Variants in MGAT4A observed in about 807,000 individuals in gnomAD.
MGAT4A encodes N-acetylglucosaminyltransferase IVa.
Under a neutral mutation model 74.1 loss-of-function variants are expected in MGAT4A, and 33 were observed. The ratio of observed to expected loss-of-function variants is 0.45; its 90% CI spans 0.34 to 0.60. The LOEUF is 0.60. Among genes scored for constraint, MGAT4A ranks in the 20% least tolerant of loss-of-function variants. The probability of loss-of-function intolerance (pLI) is 0.02; values close to 1 mark genes in which losing one functional copy is unlikely to be tolerated. For synonymous variants in MGAT4A, 198 were observed against 210.4 expected, an observed-to-expected ratio of 0.94 and a Z score of 0.51; for missense variants, 479 against 628.3, an observed-to-expected ratio of 0.76 and a Z score of 2.54.
chr2:98,670,287 T>C (rs77776825), intron 4 of MGAT4A, among the ~76,000 whole-genome samples: 1 of 151,970 alleles, frequency 6.6e-6, no homozygotes, highest in Non-Finnish European at 1.5e-5. Context: ...AGTGCAAGAG[T>C]TCCACTGATT....
At chr2:98,669,922 T>A (rs576746773) in intron 4 of MGAT4A, among the ~76,000 whole-genome samples, 1 of 152,178 alleles carries the variant, frequency 6.6e-6, no homozygotes, top group African/African-American at 2.4e-5. Flanking sequence ...ACATTCAAGA[T>A]GGCAACTGCT....
chr2:98,697,907 T>C (rs895664175), intron 2 of MGAT4A, among the ~76,000 whole-genome samples: 1 of 152,170 alleles, frequency 6.6e-6, no homozygotes, highest in African/African-American at 2.4e-5. Flanking sequence ...AGACAAATGC[T>C]AAAGGTTGAT....
At chr2:98,626,521 TG>T (rs1701146158) in intron 14 of MGAT4A, among the ~76,000 whole-genome samples, 1 of 152,186 alleles carries the variant, frequency 6.6e-6, no homozygotes, top group African/African-American at 2.4e-5. Flanking sequence ...TGGTTCATTG[TG>T]GGCCAAATTT....
At chr2:98,722,687 G>C (rs773542821) in intron 2 of MGAT4A, among the ~76,000 whole-genome samples, 27 of 152,270 alleles carry the variant, frequency 1.8e-4, no homozygotes, top group Admixed American at 3.9e-4. Context: ...TGGATGAATT[G>C]TATAGTATGT....
chr2:98,619,392 CT>C lies in MGAT4A; in HGVS notation c.*6173del, dbSNP rs1701011599. On this transcript the variant is annotated 3_prime_UTR_variant, in exon 16 of 16. Transcript: ENST00000393487. The stretch of plus-strand genomic sequence containing the variant: ...CAATACATTTAAGAAAAAAAAAAAT[CT>C]GGTACAACCTGGCAAGGAGATTCCT... The C allele has an allele frequency of 6.6e-6, 1 of 152,006 alleles. No homozygotes were observed. Among genetic ancestry groups the C allele is most frequent in the African/African-American group, 2.4e-5 (1 of 41,378 alleles). The allele number at this position is 152,006 out of a possible 1,614,324, so 9.4% of individuals were successfully genotyped here. A position where few individuals can be genotyped will look rare whatever the true frequency, so the allele number is the denominator to read the frequency against.
At chr2:98,691,925 TA>T (rs1702200406) in intron 2 of MGAT4A, among the ~76,000 whole-genome samples, 1 of 152,108 alleles carries the variant, frequency 6.6e-6, no homozygotes, top group Non-Finnish European at 1.5e-5. Flanking sequence ...CAACAATGTT[TA>T]AAAAGTAAAA....
At chr2:98,696,047 A>G (rs148181586) in intron 2 of MGAT4A, among the ~76,000 whole-genome samples, 1 of 151,506 alleles carries the variant, frequency 6.6e-6, no homozygotes, top group East Asian at 1.9e-4. Flanking sequence ...ATGCCTGCCT[A>G]ATTTTTCTAT....
intron 5 of MGAT4A, among the ~76,000 whole-genome samples, chr2:98,660,742 G>A (rs1701736532): frequency 6.6e-6 from 1 of 152,106 alleles, no homozygotes; most frequent in Non-Finnish European, 1.5e-5. Flanking sequence ...GAATGAAAGT[G>A]GAACTTCAAC....
intron 5 of MGAT4A, among the ~76,000 whole-genome samples, chr2:98,661,429 T>A (rs1210354100): frequency 6.6e-6 from 1 of 152,122 alleles, no homozygotes; most frequent in Non-Finnish European, 1.5e-5. Context: ...AAGCAGTTCA[T>A]AAGCAAACAA....
chr2:98,715,317 CA>C (rs201860893), intron 2 of MGAT4A, among the ~76,000 whole-genome samples: 20,618 of 63,332 alleles, frequency 0.33, 1,245 homozygotes, highest in African/African-American at 0.47. Flanking sequence ...GACTTCATCT[CA>C]AAAAAAAAAA....
chr2:98,667,276 T>C (rs1461791498), intron 4 of MGAT4A, among the ~76,000 whole-genome samples: 2 of 152,082 alleles, frequency 1.3e-5, no homozygotes, highest in African/African-American at 4.8e-5. Context: ...ATACAGTAAA[T>C]TGGTACCAGG....
chr2:98,713,571 G>A (rs530423363), intron 2 of MGAT4A, among the ~76,000 whole-genome samples: 42 of 152,202 alleles, frequency 2.8e-4, no homozygotes, highest in Non-Finnish European at 4.1e-4. Flanking sequence ...AGACCAGCCT[G>A]GCCAACATGG....
intron 2 of MGAT4A, among the ~76,000 whole-genome samples, chr2:98,704,961 T>C (rs1702402150): frequency 6.6e-6 from 1 of 152,110 alleles, no homozygotes; most frequent in South Asian, 2.1e-4. Flanking sequence ...CAACTGACAT[T>C]GGGAACAAAC....
intron 2 of MGAT4A, among the ~76,000 whole-genome samples, chr2:98,679,362 C>T (rs1240481974): frequency 7.6e-5 from 11 of 143,978 alleles, no homozygotes; most frequent in African/African-American, 1.0e-4. Flanking sequence ...GCTGAGATCG[C>T]GCCACTGCAC....
chr2:98,713,860 A>T (rs1051777377), intron 2 of MGAT4A, among the ~76,000 whole-genome samples: 1 of 152,266 alleles, frequency 6.6e-6, no homozygotes, highest in Admixed American at 6.5e-5. Context: ...GACCTAACAG[A>T]TTATAAATAA....
Position 98,626,185 on chromosome 2 carries a change from C to T in MGAT4A, c.1469-350G>A, listed in dbSNP as rs1701141217. On this transcript the variant is annotated intron_variant, in intron 14 of 15. Coordinates refer to ENST00000393487, the MANE Select transcript of MGAT4A (RefSeq NM_012214.3). ...AATCTTACCAAAATATAATCTGTACCATCACGCAGTCTGATTGCTTTGAAT... is the reference window on the plus strand; with the variant it reads ...AATCTTACCAAAATATAATCTGTACTATCACGCAGTCTGATTGCTTTGAAT... 2.6e-5 allele frequency among the ~76,000 whole-genome samples: 4 copies of T among 152,164 alleles called. No individual in the cohort carries two copies. In the South Asian group the frequency reaches 8.3e-4, roughly 32 times the overall value.
chr2:98,666,714 C>T (rs192112483), intron 4 of MGAT4A, among the ~76,000 whole-genome samples: 6 of 151,730 alleles, frequency 4.0e-5, no homozygotes, highest in East Asian at 3.9e-4. Context: ...AAATTACCAG[C>T]GTAACAACTA....
chr2:98,664,200 C>CAAAAAAAA (rs57981145), intron 4 of MGAT4A, among the ~76,000 whole-genome samples: 39 of 51,484 alleles, frequency 7.6e-4, no homozygotes, highest in Non-Finnish European at 1.1e-3. Context: ...GATTCCATCT[C>CAAAAAAAA]AAAAAAAAAA....
intron 2 of MGAT4A, among the ~76,000 whole-genome samples, chr2:98,686,267 A>C (rs1702129228): frequency 6.6e-6 from 1 of 152,220 alleles, no homozygotes; most frequent in African/African-American, 2.4e-5. Flanking sequence ...TTAAATTAAA[A>C]TAATGAAAAT....
Sources: gnomAD v4.1 joint callset for allele counts (sites outside exome capture counted in the v4.1 genomes callset) on GRCh38, gnomAD v4.1.1 for gene constraint, MANE v1.5 for transcripts, NCBI Gene and HGNC (gene_info 2026-07-23, HGNC 2026-07-21) for gene names.